The following USP40 variants were observed in gnomAD, a reference collection of about 807,000 sequenced individuals.
USP40 encodes ubiquitin carboxyl-terminal hydrolase 40.
A neutral mutation model predicts 166.2 loss-of-function variants in USP40; 143 were observed. The ratio of observed to expected loss-of-function variants is 0.86; its 90% CI spans 0.75 to 0.99. The LOEUF (loss-of-function observed/expected upper bound fraction) is 0.99, where lower values mean the gene tolerates loss of function less well. Ranked by LOEUF, USP40 falls within the 50% of genes least tolerant of loss-of-function variation. The probability of loss-of-function intolerance (pLI) is 0.00; values close to 1 mark genes in which losing one functional copy is unlikely to be tolerated. For synonymous variants in USP40, 498 were observed against 524.0 expected (o/e 0.95, Z 0.68); for missense variants, 1,444 against 1,479.7 (o/e 0.98, Z 0.40).
chr2:233,534,115 C>T (rs1345732136), intron 10 of USP40, among the ~76,000 whole-genome samples: 1 of 152,126 alleles, frequency 6.6e-6, no homozygotes, highest in Non-Finnish European at 1.5e-5. Context: ...TAAAAGCAAT[C>T]TAAACAAGGC....
intron 2 of USP40, among the ~76,000 whole-genome samples, 179 bp downstream of exon 2, chr2:233,565,171 TTTAAGA>T (rs2072027591): frequency 1.3e-5 from 2 of 152,360 alleles, no homozygotes; most frequent in East Asian, 1.9e-4. Flanking sequence ...CCAGGATATA[TTTAAGA>T]TTAAGCTTCA....
chr2:233,480,812 G>A lies in USP40; in HGVS notation c.3599+391C>T, dbSNP rs1026949645. Among the ~76,000 whole-genome samples, 3 of 152,196 alleles carry A rather than the reference G, an allele frequency of 2.0e-5. No homozygotes were observed. The highest frequency in any genetic ancestry group is 4.4e-5 in the Non-Finnish European group (3 of 68,028). ...CTTGGAGAGAGCGGGAGAAGGACAG[G>A]GAGCCCGCAGCAGGGCTGAGGTGGC... On this transcript the variant is annotated intron_variant, in intron 31 of 31. Transcript: ENST00000678225. This position sits in a 1 kb window ranked among gnomAD's most constrained non-coding sequence, Gnocchi z 4.5.
chr2:233,542,222 C>G, intron 9 of USP40, 46 bp downstream of exon 9: 1 of 1,175,806 alleles, frequency 8.5e-7, no homozygotes, highest in Non-Finnish European at 1.2e-6. Flanking sequence ...CACACATACA[C>G]ACAATACATA....
intron 2 of USP40, among the ~76,000 whole-genome samples, chr2:233,564,009 T>C (rs1433761193): frequency 3.3e-5 from 5 of 152,178 alleles, no homozygotes; most frequent in Non-Finnish European, 7.3e-5. Flanking sequence ...TTATCCCTAT[T>C]AGAAATGTAC....
At chr2:233,489,827 C>CT (rs1360184813) in intron 26 of USP40, 1 of 199,740 alleles carries the variant, frequency 5.0e-6, no homozygotes, top group East Asian at 1.5e-4. Flanking sequence ...AGAGCCCGCT[C>CT]TAACAGTACA....
chr2:233,524,574 T>A lies in USP40; in HGVS notation c.1811-12A>T, dbSNP rs1359317248. 2 of 1,582,582 alleles carry A rather than the reference T, an allele frequency of 1.3e-6. No individual in the cohort carries two copies. The highest frequency in any genetic ancestry group is 1.4e-5 in the African/African-American group (1 of 73,482). ...TGTCAGTTCATCCCCTAGAAAGAGATCACCAGTGAGACCATTCATCATGAC... is the reference window on the plus strand; with the variant it reads ...TGTCAGTTCATCCCCTAGAAAGAGAACACCAGTGAGACCATTCATCATGAC... On this transcript the variant is annotated splice_polypyrimidine_tract_variant and intron_variant, in intron 14 of 31. Transcript: ENST00000678225.
intron 19 of USP40, chr2:233,512,339 T>C: frequency 3.2e-6 from 1 of 310,198 alleles, no homozygotes; most frequent in Non-Finnish European, 5.9e-6. Flanking sequence ...AACCCGTGAG[T>C]AAAATGAGAA....
At position 233,562,745 on chromosome 2, in the gene USP40, G is replaced by C. The variant is rs999339009; in HGVS notation, c.258C>G (p.Pro86=). Residue 86 remains proline, a synonymous_variant, in exon 3 of 32, where the codon CCC becomes CCG. Coordinates refer to ENST00000678225, the MANE Select transcript of USP40 (RefSeq NM_001365479.2). ...ATAATAATAAAAATACCTTTGCATC[G>C]GGTTTATCCTTATCTTCAAACAAAC... ...ELGLFEDKDK[P]DAKVRIIPLQ... 1.3e-6 allele frequency: 2 copies of C among 1,520,964 alleles called. No homozygotes were observed. The highest frequency in any genetic ancestry group is 2.8e-5 in the African/African-American group (2 of 71,920). 94.2% of individuals were successfully genotyped at this position (1,520,964 alleles called of 1,614,324 possible).
At chr2:233,560,755 T>C in intron 3 of USP40, 1 of 407,524 alleles carries the variant, frequency 2.5e-6, no homozygotes, top group South Asian at 6.4e-5. Context: ...AACTCATTAC[T>C]CAATTTATTT....
intron 6 of USP40, 107 bp downstream of exon 6, chr2:233,554,273 C>A: frequency 5.2e-6 from 6 of 1,158,510 alleles, no homozygotes; most frequent in Non-Finnish European, 6.9e-6. Flanking sequence ...TCTTTTCAAT[C>A]CTTAGTGTCA....
At chr2:233,526,521 C>T (rs2068047172) in intron 13 of USP40, among the ~76,000 whole-genome samples, 1 of 151,998 alleles carries the variant, frequency 6.6e-6, no homozygotes, top group African/African-American at 2.4e-5. Flanking sequence ...AGGGAAATTG[C>T]TTTGCTTTTC....
Position 233,486,851 on chromosome 2 carries a change from G to C in USP40, c.3198-874C>G, listed in dbSNP as rs1264728962. Among the ~76,000 whole-genome samples the C allele has an allele frequency of 6.6e-6, 1 of 152,172 alleles. No individual in the cohort carries two copies. Among genetic ancestry groups the C allele is most frequent in the African/African-American group, 2.4e-5 (1 of 41,428 alleles). ...GCTGCTGGCCAGGGAGTGAGGCCAA[G>C]GCCTGGAGCCCAGCACAGTGCGGCC... On this transcript the variant is annotated intron_variant, in intron 28 of 31. Coordinates refer to ENST00000678225, the MANE Select transcript of USP40 (RefSeq NM_001365479.2). This position sits in a 1 kb window ranked among gnomAD's most constrained non-coding sequence, Gnocchi z 4.0.
At chr2:233,485,998 G>C (rs2064924622) in intron 28 of USP40, 21 bp from the exon 29 acceptor site, 2 of 1,550,162 alleles carry the variant, frequency 1.3e-6, no homozygotes, top group African/African-American at 2.8e-5. Context: ...AAACCGTCAA[G>C]CGCCAGATCC....
rs2064215158 is a variant in USP40, at chr2:233,477,069, G to A, written c.*323C>T. ...ACGGCATGCCGCTGCCTCCATACCT[G>A]CGGTTCACGCACACGTTGTGCATTT... On this transcript the variant is annotated 3_prime_UTR_variant, in exon 32 of 32. Coordinates refer to ENST00000678225, the MANE Select transcript of USP40 (RefSeq NM_001365479.2). The A allele has an allele frequency of 2.7e-6, 1 of 369,434 alleles. No individual in the cohort carries two copies. Among genetic ancestry groups the A allele is most frequent in the East Asian group, 6.7e-5 (1 of 14,846 alleles). 22.9% of individuals were successfully genotyped at this position (369,434 alleles called of 1,614,324 possible). A position where few individuals can be genotyped will look rare whatever the true frequency, so the allele number is the denominator to read the frequency against.
At chr2:233,529,802 C>CTTTTTTTTTTTTTT (rs1317247497) in intron 11 of USP40, among the ~76,000 whole-genome samples, 1 of 128,792 alleles carries the variant, frequency 7.8e-6, no homozygotes, top group Non-Finnish European at 1.6e-5. Flanking sequence ...TTTTTTTTTT[C>CTTTTTTTTTTTTTT]TTTTTCTTTT....
At position 233,559,812 on chromosome 2, in the gene USP40, T is replaced by A. The variant is rs2071411694; in HGVS notation, c.380A>T (p.Glu127Val). The A allele has an allele frequency of 6.2e-7, 1 of 1,602,776 alleles. No homozygotes were observed. The highest frequency in any genetic ancestry group is 8.5e-7 in the Non-Finnish European group (1 of 1,174,254). ...LTDSFGWTSN[E>V]EMRQHDVQEL... ...TCCTTAAAGAGCTGATCCTCGTACC[T>A]CATTACTGGTCCACCCAAAGCTGTC... Residue 127 changes from glutamate (E) to valine (V), a missense_variant and splice_region_variant, in exon 4 of 32, where the codon GAG becomes GTG. Glu to Val is a moderately radical substitution (Grantham distance 121). Coordinates refer to ENST00000678225, the MANE Select transcript of USP40 (RefSeq NM_001365479.2).
chr2:233,559,953 T>G, intron 3 of USP40, 29 bp from the exon 4 acceptor site: 1 of 1,531,640 alleles, frequency 6.5e-7, no homozygotes, highest in Non-Finnish European at 8.9e-7. Flanking sequence ...CATTTCTAAA[T>G]GAATTCTTTA....
intron 9 of USP40, among the ~76,000 whole-genome samples, chr2:233,541,847 A>G (rs1282909603): frequency 6.6e-6 from 1 of 152,244 alleles, no homozygotes; most frequent in East Asian, 1.9e-4. Flanking sequence ...AATGCAATAA[A>G]TTGCAAAACA....
At chr2:233,509,306 C>A (rs1274128037) in intron 21 of USP40, among the ~76,000 whole-genome samples, 2 of 152,138 alleles carry the variant, frequency 1.3e-5, no homozygotes, top group Admixed American at 1.3e-4. Flanking sequence ...CTAAAGGTCT[C>A]AGTTCTCAAT....
Sources: allele counts gnomAD v4.1 joint callset (sites outside exome capture counted in the v4.1 genomes callset), GRCh38; gene constraint gnomAD v4.1.1; non-coding constraint Gnocchi (gnomAD v3.1); transcripts MANE v1.5; gene names NCBI Gene and HGNC (gene_info 2026-07-23, HGNC 2026-07-21).